Variants in GLB1 observed in about 807,000 individuals in gnomAD.
The protein encoded by GLB1 is beta-galactosidase.
A neutral mutation model predicts 74.0 loss-of-function variants in GLB1; 56 were observed. The observed-to-expected ratio is 0.76, with a 90% confidence interval of 0.61 to 0.94. The LOEUF (loss-of-function observed/expected upper bound fraction) is 0.94, where lower values mean the gene tolerates loss of function less well. GLB1 is among the 40% of genes least tolerant of loss of function. The pLI is 0.00. For synonymous variants in GLB1, 323 were observed against 323.6 expected (o/e 1.00, Z 0.02); for missense variants, 787 against 845.5 (o/e 0.93, Z 0.86).
rs574388801 is a variant in GLB1, at chr3:33,051,731, T to C, written c.955+27A>G. The C allele has an allele frequency of 1.3e-4, 214 of 1,614,074 alleles. 3 individuals carry two copies. The South Asian group carries it at 2.2e-3, about 16-fold the overall frequency. ...ATCAACAGAAACATTCTAGCATAAG[T>C]TTCTACAGATATTAAAGTGCTCTTA... is the stretch of plus-strand genomic sequence containing the variant. On this transcript the variant is annotated intron_variant, in intron 9 of 15. Coordinates refer to ENST00000307363, the MANE Select transcript of GLB1 (RefSeq NM_000404.4).
chr3:32,996,996 T>C lies in GLB1; in HGVS notation c.*49A>G. ...GAAATGTGGCATGACAGGGAGGATC[T>C]GTGAGGTATGTTCAGGGTAGAATCC... is the stretch of plus-strand genomic sequence containing the variant. On this transcript the variant is annotated 3_prime_UTR_variant, in exon 16 of 16. Transcript: ENST00000307363. The C allele has an allele frequency of 6.2e-7, 1 of 1,613,846 alleles. No homozygotes were observed. Among genetic ancestry groups the C allele is most frequent in the East Asian group, 2.2e-5 (1 of 44,882 alleles).
At chr3:32,974,817 T>C in the GLB1 span, among the ~76,000 whole-genome samples, 1 of 152,202 alleles carries the variant, frequency 6.6e-6, no homozygotes, top group African/African-American at 2.4e-5. Flanking sequence ...ATTAATTGGA[T>C]GAGACCCACC....
At chr3:33,096,762 G>T in intron 1 of GLB1, 1 of 1,317,246 alleles carries the variant, frequency 7.6e-7, no homozygotes, top group African/African-American at 1.6e-5. Context: ...GGATCCAAGC[G>T]CAAAGGGCGG....
chr3:33,011,189 G>T (rs2125459550), intron 15 of GLB1, among the ~76,000 whole-genome samples: 1 of 152,182 alleles, frequency 6.6e-6, no homozygotes, highest in Non-Finnish European at 1.5e-5. Flanking sequence ...ATGGTTCAAA[G>T]AAGAAATCAT....
the GLB1 span, among the ~76,000 whole-genome samples, chr3:32,973,167 A>G: frequency 6.6e-6 from 1 of 152,158 alleles, no homozygotes; most frequent in Non-Finnish European, 1.5e-5. Flanking sequence ...GCTGGTGCAC[A>G]TAAATAATTA....
At chr3:33,013,959 C>T in intron 15 of GLB1, 97 bp downstream of exon 15, 2 of 1,597,606 alleles carry the variant, frequency 1.3e-6, no homozygotes, top group Non-Finnish European at 1.7e-6. Flanking sequence ...AAAACCATCA[C>T]ACGATATCTC....
At chr3:33,032,760 CCT>C (rs1227769428) in intron 10 of GLB1, among the ~76,000 whole-genome samples, 1 of 152,142 alleles carries the variant, frequency 6.6e-6, no homozygotes, top group African/African-American at 2.4e-5. Flanking sequence ...CTCTCCACTC[CCT>C]GATGCCCCTG....
Position 33,086,983 on chromosome 3 carries a change from G to GA in GLB1, c.75+10027dup, listed in dbSNP as rs145335057. ...ACAAAAGAGAATAGAAAGATAGTAG[G>GA]AAAAAAAAACAGTTGGTTTTTGAAA... is the stretch of plus-strand genomic sequence containing the variant. On this transcript the variant is annotated intron_variant, in intron 1 of 15. Coordinates refer to ENST00000307363, the MANE Select transcript of GLB1 (RefSeq NM_000404.4). Among the ~76,000 whole-genome samples the GA allele has an allele frequency of 2.4e-4, 31 of 129,452 alleles. No homozygotes were observed. The East Asian group carries it at 2.5e-3, about 10-fold the overall frequency. 84.9% of individuals were successfully genotyped at this position (129,452 alleles called of 152,430 possible).
intron 9 of GLB1, among the ~76,000 whole-genome samples, chr3:33,050,766 C>A (rs72856108): frequency 0.081 from 12,319 of 152,130 alleles, 1,157 homozygotes; most frequent in East Asian, 0.48. Flanking sequence ...TAAAAATTGT[C>A]AATTTTATGG....
At chr3:32,991,714 G>A (rs1178612161), downstream of GLB1, among the ~76,000 whole-genome samples, 2 of 152,196 alleles carry the variant, frequency 1.3e-5, no homozygotes, top group Admixed American at 1.3e-4. Context: ...ACCACTTGTA[G>A]ATGCTCTGTT....
intron 1 of GLB1, among the ~76,000 whole-genome samples, chr3:33,074,389 G>GAAAGAAAAAGAAAGAAAGAAAGA (rs1559412979): frequency 2.6e-5 from 1 of 38,916 alleles, no homozygotes; most frequent in Non-Finnish European, 4.7e-5. Flanking sequence ...AGGAAGGAAG[G>GAAAGAAAAAGAAAGAAAGAAAGA]AAGAAAGAAA....
the GLB1 span, among the ~76,000 whole-genome samples, chr3:32,977,881 C>T: frequency 6.6e-6 from 1 of 152,116 alleles, no homozygotes; most frequent in African/African-American, 2.4e-5. Flanking sequence ...TCTTCTGCCC[C>T]GAAAGCCCAC....
In GLB1 at chr3:33,031,772, T is replaced by C. The variant is rs527287692; in HGVS notation, c.1069-7447A>G. ...TGTTAAGCTGCAATCTATCATAAGC[T>C]ATTGAATTACATTCATTTCTTTTTT... On this transcript the variant is annotated intron_variant, in intron 10 of 15. Coordinates refer to ENST00000307363, the MANE Select transcript of GLB1 (RefSeq NM_000404.4). Among the ~76,000 whole-genome samples, 20 of 150,420 alleles carry C rather than the reference T, an allele frequency of 1.3e-4. No individual in the cohort carries two copies. In the East Asian group the frequency reaches 3.5e-3, roughly 26 times the overall value.
intron 10 of GLB1, among the ~76,000 whole-genome samples, chr3:33,043,879 G>C (rs968728051): frequency 4.7e-5 from 2 of 42,394 alleles, no homozygotes; most frequent in African/African-American, 1.1e-4. Context: ...CAGGCAAAAA[G>C]CCTTATTAGA....
chr3:32,995,839 A>C (rs1432190892), downstream of GLB1, among the ~76,000 whole-genome samples: 1 of 76,912 alleles, frequency 1.3e-5, no homozygotes, highest in East Asian at 2.8e-4. Flanking sequence ...AGCAAGACCC[A>C]GCCTCAAAAA....
intron 12 of GLB1, 27 bp downstream of exon 12, chr3:33,021,539 G>C: frequency 6.2e-7 from 1 of 1,609,152 alleles, no homozygotes; most frequent in Non-Finnish European, 8.5e-7. Flanking sequence ...GTAGAAAAAA[G>C]GCGAGGCATT....
intron 1 of GLB1, chr3:33,094,439 A>C (rs913920992): frequency 4.6e-6 from 5 of 1,085,290 alleles, no homozygotes; most frequent in Admixed American, 3.7e-5. Flanking sequence ...TGCTAGCTAT[A>C]CTTTATTATT....
At chr3:33,064,073 G>A (rs564331159) in intron 5 of GLB1, among the ~76,000 whole-genome samples, 4 of 152,294 alleles carry the variant, frequency 2.6e-5, no homozygotes, top group African/African-American at 9.6e-5. Context: ...CCCCTAGGGA[G>A]TGCCACTTTG....
intron 6 of GLB1, among the ~76,000 whole-genome samples, chr3:33,054,352 T>C (rs1007690820): frequency 6.6e-6 from 1 of 152,156 alleles, no homozygotes; most frequent in South Asian, 2.1e-4. Flanking sequence ...TTTGAAGATG[T>C]GTGTGGACCA....
Sources: allele counts gnomAD v4.1 joint callset (sites outside exome capture counted in the v4.1 genomes callset), GRCh38; gene constraint gnomAD v4.1.1; transcripts MANE v1.5; gene names NCBI Gene and HGNC (gene_info 2026-07-23, HGNC 2026-07-21).